The following FAM222A variants were observed in gnomAD, a reference collection of about 807,000 sequenced individuals.
The protein encoded by FAM222A is family with sequence similarity 222 member A.
In FAM222A, 7 loss-of-function variants were observed where a neutral mutation model predicts 25.8. The ratio of observed to expected loss-of-function variants is 0.27; its 90% CI spans 0.15 to 0.51. The LOEUF is 0.51. Ranked by LOEUF, FAM222A falls within the 20% of genes least tolerant of loss-of-function variation. FAM222A has a pLI of 0.97. For missense variants in FAM222A, 573 were observed against 640.5 expected (o/e 0.89, Z 1.14); for synonymous variants, 294 against 298.8 (o/e 0.98, Z 0.17).
intron 2 of FAM222A, among the ~76,000 whole-genome samples, chr12:109,756,640 G>C (rs1888741035): frequency 6.6e-6 from 1 of 152,084 alleles, no homozygotes; most frequent in Non-Finnish European, 1.5e-5. Context: ...CTGTCAATAT[G>C]GTATTAACAT....
At chr12:109,725,186 A>C (rs1229229933) in intron 1 of FAM222A, among the ~76,000 whole-genome samples, 1 of 152,164 alleles carries the variant, frequency 6.6e-6, no homozygotes, top group African/African-American at 2.4e-5. Context: ...AAGGTTACAC[A>C]GCAAGAAAAT....
chr12:109,720,968 C>G (rs1406393586), intron 1 of FAM222A, among the ~76,000 whole-genome samples: 1 of 152,170 alleles, frequency 6.6e-6, no homozygotes, highest in Non-Finnish European at 1.5e-5. Flanking sequence ...CTGGAGTAGC[C>G]AGGGAGGGCT....
In FAM222A at chr12:109,755,287, C is replaced by CTT. The variant is rs540689300; in HGVS notation, c.82+11100_82+11101dup. ...TCTTCCATTTAGGTCTGTAATTCTT[C>CTT]TTTTTTTTTTTTTTTTTTTTTTTTT... On this transcript the variant is annotated intron_variant, in intron 2 of 2. Transcript: ENST00000538780. Among the ~76,000 whole-genome samples, 54 of 49,418 alleles carry CTT rather than the reference C, an allele frequency of 1.1e-3. 4 individuals are homozygous for CTT. The highest frequency in any genetic ancestry group is 1.1e-3 in the Non-Finnish European group (33 of 29,154). The allele number at this position is 49,418 out of a possible 152,430, so 32.4% of individuals were successfully genotyped here. A position where few individuals can be genotyped will look rare whatever the true frequency, so the allele number is the denominator to read the frequency against.
intron 2 of FAM222A, among the ~76,000 whole-genome samples, chr12:109,749,353 A>G (rs1207018848): frequency 6.6e-6 from 1 of 152,084 alleles, no homozygotes; most frequent in Non-Finnish European, 1.5e-5. Flanking sequence ...TGATTTGCCC[A>G]CCTCAGCCTT....
intron 1 of FAM222A, among the ~76,000 whole-genome samples, chr12:109,721,246 C>T (rs1012283029): frequency 6.6e-6 from 1 of 152,208 alleles, no homozygotes; most frequent in African/African-American, 2.4e-5. Context: ...CTCTTCACTG[C>T]CTGTAAGGGT....
intron 2 of FAM222A, among the ~76,000 whole-genome samples, chr12:109,759,016 C>T (rs924613864): frequency 6.6e-6 from 1 of 152,224 alleles, no homozygotes; most frequent in African/African-American, 2.4e-5. Context: ...CGAGAATTTG[C>T]TCCCTTCTAC....
intron 1 of FAM222A, among the ~76,000 whole-genome samples, chr12:109,737,585 TAAAA>T (rs11311105): frequency 1.4e-5 from 2 of 138,888 alleles, no homozygotes; most frequent in Non-Finnish European, 3.1e-5. Context: ...CCCCCAACCT[TAAAA>T]AAAAAAAAAA....
Position 109,713,942 on chromosome 12 carries a change from G to A in FAM222A, c.-1002G>A, listed in dbSNP as rs1887584256. 6.8e-6 allele frequency among the ~76,000 whole-genome samples: 1 copy of A among 146,204 alleles called. No homozygotes were observed. The highest frequency in any genetic ancestry group is 1.5e-5 in the Non-Finnish European group (1 of 65,782). On this transcript the variant is annotated 5_prime_UTR_variant, in exon 1 of 3. Transcript: ENST00000538780. ...GCCCGGCGCCTGTGGGGCGCGGCGC[G>A]CGGCACCCGGGCCTGAGACCAGGCG...
chr12:109,768,719 AC>A lies in FAM222A; in HGVS notation c.793del (p.Gln265LysfsTer3). 1 of 1,577,228 alleles carries A rather than the reference AC, an allele frequency of 6.3e-7. No individual in the cohort carries two copies. ...AGGCACTGAGCTGGGCCAGGGAGCC[AC>A]CCAAGCCTTGACGTTGGCTGGGGCC... ...RKGTELGQGA[T>X]QALTLAGAAK... On this transcript the variant is annotated frameshift_variant, in exon 3 of 3. Coordinates refer to ENST00000538780, the MANE Select transcript of FAM222A (RefSeq NM_032829.3). LOFTEE classifies it high-confidence loss of function.
In FAM222A at chr12:109,714,369, T is replaced by A. The variant is rs533668813; in HGVS notation, c.-575T>A. On this transcript the variant is annotated 5_prime_UTR_variant, in exon 1 of 3. Coordinates refer to ENST00000538780, the MANE Select transcript of FAM222A (RefSeq NM_032829.3). The surrounding 1 kb of genome is among the most constrained non-coding windows in gnomAD (Gnocchi z 4.2). ...AGGAGCCGGGGCCGCTGCGGGTGCG[T>A]GCAACCCCCGAAGGAGACAATCCCT... 20 of 153,152 alleles carry A rather than the reference T, an allele frequency of 1.3e-4. No homozygotes were observed. Among genetic ancestry groups the A allele is most frequent in the Middle Eastern group, 6.7e-3 (2 of 300 alleles). 9.5% of individuals were successfully genotyped at this position (153,152 alleles called of 1,614,324 possible).
chr12:109,718,778 C>A (rs925336877), intron 1 of FAM222A, among the ~76,000 whole-genome samples: 2 of 152,168 alleles, frequency 1.3e-5, no homozygotes, highest in African/African-American at 4.8e-5. Context: ...AGAAGGATGT[C>A]GACTATAATT....
intron 2 of FAM222A, among the ~76,000 whole-genome samples, chr12:109,755,163 G>T (rs1314222368): frequency 6.6e-6 from 1 of 151,956 alleles, no homozygotes; most frequent in Non-Finnish European, 1.5e-5. Flanking sequence ...AATGTCTTTG[G>T]TCACTTGTAT....
intron 1 of FAM222A, among the ~76,000 whole-genome samples, chr12:109,730,231 G>T (rs907109732): frequency 6.6e-6 from 1 of 152,222 alleles, no homozygotes; most frequent in African/African-American, 2.4e-5. Flanking sequence ...CCAGGTGAAT[G>T]TGGGTTCAAA....
At chr12:109,740,462 C>G (rs1566190026) in intron 1 of FAM222A, among the ~76,000 whole-genome samples, 1 of 152,128 alleles carries the variant, frequency 6.6e-6, no homozygotes, top group Admixed American at 6.5e-5. Flanking sequence ...AACAGTGCTC[C>G]CTGGATGGTG....
intron 2 of FAM222A, among the ~76,000 whole-genome samples, chr12:109,755,575 G>A (rs979850844): frequency 7.9e-5 from 12 of 152,208 alleles, no homozygotes; most frequent in South Asian, 4.1e-4. Context: ...TGATCAGCCC[G>A]CCTCGGCCTC....
chr12:109,721,383 G>A (rs982879721), intron 1 of FAM222A, among the ~76,000 whole-genome samples: 5 of 144,886 alleles, frequency 3.5e-5, no homozygotes, highest in East Asian at 2.2e-4. Flanking sequence ...AGACTCAGCC[G>A]CGTCCTTCAT....
chr12:109,758,838 A>C (rs1888807742), intron 2 of FAM222A, among the ~76,000 whole-genome samples: 3 of 152,124 alleles, frequency 2.0e-5, no homozygotes, highest in Non-Finnish European at 2.9e-5. Context: ...TCCATCCTAG[A>C]GAAGCCCTGG....
At chr12:109,753,161 C>T (rs1192022476) in intron 2 of FAM222A, among the ~76,000 whole-genome samples, 2 of 152,130 alleles carry the variant, frequency 1.3e-5, no homozygotes, top group African/African-American at 2.4e-5. Flanking sequence ...GGGCCTGTGG[C>T]GAGGTGGGGT....
chr12:109,743,586 G>C (rs546863590), intron 1 of FAM222A, among the ~76,000 whole-genome samples: 1 of 152,296 alleles, frequency 6.6e-6, no homozygotes, highest in African/African-American at 2.4e-5. Context: ...TCCCCTCCAG[G>C]GGGGCTATGA....
Sources: gnomAD v4.1 joint callset for allele counts (sites outside exome capture counted in the v4.1 genomes callset) on GRCh38, gnomAD v4.1.1 for gene constraint, Gnocchi (gnomAD v3.1) non-coding constraint, MANE v1.5 for transcripts, NCBI Gene and HGNC (gene_info 2026-07-23, HGNC 2026-07-21) for gene names.